Variants in AKAP6 observed in about 807,000 individuals in gnomAD.
The protein encoded by AKAP6 is A-kinase anchor protein 6.
Under a neutral mutation model 188.5 loss-of-function variants are expected in AKAP6, and 58 were observed. That is an observed-to-expected ratio of 0.31 (90% CI 0.25 to 0.38). AKAP6 has a LOEUF of 0.38. AKAP6 is among the 10% of genes least tolerant of loss of function. The probability of loss-of-function intolerance (pLI) is 1.00; values close to 1 mark genes in which losing one functional copy is unlikely to be tolerated. For synonymous variants in AKAP6, 989 were observed against 998.6 expected (o/e 0.99, Z 0.18); for missense variants, 2,710 against 2,740.0 (o/e 0.99, Z 0.24).
chr14:32,461,095 G>A (rs573646043), intron 2 of AKAP6, among the ~76,000 whole-genome samples: 2 of 152,308 alleles, frequency 1.3e-5, no homozygotes, highest in Admixed American at 1.3e-4. Flanking sequence ...CCATGTCCCT[G>A]GGACAGAGCA....
chr14:32,712,664 C>A lies in AKAP6; in HGVS notation c.3000+16554C>A, dbSNP rs183927752. Among the ~76,000 whole-genome samples, 139 of 152,232 alleles carry A rather than the reference C, an allele frequency of 9.1e-4. 2 individuals carry two copies. Among genetic ancestry groups the A allele is most frequent in the South Asian group, 7.0e-3 (34 of 4,828 alleles). The stretch of plus-strand genomic sequence containing the variant: ...GAAACTACTATCTTTGCTTATTCTT[C>A]AGAAGGAACACATCATTTGTTCAAG... On this transcript the variant is annotated intron_variant, in intron 9 of 13. Coordinates refer to ENST00000280979, the MANE Select transcript of AKAP6 (RefSeq NM_004274.5).
chr14:32,699,408 A>G (rs1312318633), intron 9 of AKAP6, among the ~76,000 whole-genome samples: 1 of 152,226 alleles, frequency 6.6e-6, no homozygotes, highest in African/African-American at 2.4e-5. Context: ...ACAACTTAAC[A>G]TCATTCAGAA....
chr14:32,625,820 T>A (rs1206273561), intron 7 of AKAP6, among the ~76,000 whole-genome samples: 1 of 152,112 alleles, frequency 6.6e-6, no homozygotes, highest in East Asian at 1.9e-4. Context: ...AGATATGAGT[T>A]AAGCACCCTT....
intron 3 of AKAP6, among the ~76,000 whole-genome samples, chr14:32,536,021 C>G (rs551446816): frequency 2.0e-4 from 31 of 152,308 alleles, no homozygotes; most frequent in Admixed American, 1.9e-3. Flanking sequence ...TGCACATATG[C>G]CATTCATTGT....
At chr14:32,430,746 C>G (rs978010782) in intron 1 of AKAP6, among the ~76,000 whole-genome samples, 3 of 152,128 alleles carry the variant, frequency 2.0e-5, no homozygotes, top group African/African-American at 7.2e-5. Context: ...CAGATTCCTT[C>G]TATAGCATTG....
Position 32,546,149 on chromosome 14 carries a change from A to T in AKAP6, c.1496A>T (p.His499Leu), listed in dbSNP as rs1230602892. The change falls in exon 4 of 14, where the codon CAC becomes CTC. Residue 499 changes from histidine to leucine, a missense_variant. His to Leu is a moderately conservative substitution (Grantham distance 99). Coordinates refer to ENST00000280979, the MANE Select transcript of AKAP6 (RefSeq NM_004274.5). ...YKEKSRLKKPHKTSEEVPPCR... is the reference protein window; with the variant it reads ...YKEKSRLKKPLKTSEEVPPCR... ...GAGAAATCTCGACTTAAAAAGCCAC[A>T]CAAGACCTCAGAAGAGGTGCCTCCA... 6.8e-6 allele frequency: 11 copies of T among 1,613,864 alleles called. No individual in the cohort carries two copies. Among genetic ancestry groups the T allele is most frequent in the Non-Finnish European group, 9.3e-6 (11 of 1,179,998 alleles).
chr14:32,483,794 T>C (rs949700147), intron 2 of AKAP6, among the ~76,000 whole-genome samples: 4 of 152,070 alleles, frequency 2.6e-5, no homozygotes, highest in Non-Finnish European at 5.9e-5. Flanking sequence ...GATTTATTTA[T>C]TGTACTTTAA....
intron 2 of AKAP6, among the ~76,000 whole-genome samples, chr14:32,449,162 T>C (rs189161519): frequency 9.2e-5 from 14 of 152,254 alleles, no homozygotes; most frequent in Admixed American, 2.0e-4. Flanking sequence ...AAGTTAGGCA[T>C]TAAAAATTAA....
intron 5 of AKAP6, among the ~76,000 whole-genome samples, chr14:32,585,223 C>G (rs962434940): frequency 1.1e-4 from 17 of 152,134 alleles, no homozygotes; most frequent in African/African-American, 3.9e-4. Flanking sequence ...AGGAGACAAA[C>G]CAGCGCTTCT....
chr14:32,590,155 A>C (rs559384022), intron 5 of AKAP6, among the ~76,000 whole-genome samples: 3 of 152,114 alleles, frequency 2.0e-5, no homozygotes, highest in Non-Finnish European at 4.4e-5. Context: ...ATTTGGGGGA[A>C]TCTTCCTTAG....
intron 1 of AKAP6, among the ~76,000 whole-genome samples, chr14:32,407,409 G>A (rs1233498382): frequency 6.6e-6 from 1 of 152,144 alleles, no homozygotes; most frequent in Admixed American, 6.5e-5. Context: ...GGCTATGTGT[G>A]AGGAGATCCC....
At chr14:32,581,878 C>T (rs1247555143) in intron 5 of AKAP6, among the ~76,000 whole-genome samples, 10 of 152,122 alleles carry the variant, frequency 6.6e-5, no homozygotes, top group Admixed American at 5.2e-4. Flanking sequence ...TATTTTGAGC[C>T]TATGTGTGTC....
At chr14:32,533,266 T>C (rs112787438) in intron 2 of AKAP6, among the ~76,000 whole-genome samples, 3,699 of 152,234 alleles carry the variant, frequency 0.024, 166 homozygotes, top group African/African-American at 0.084. Context: ...GTAACAGCAA[T>C]GAGGGAGGAA....
In AKAP6 at chr14:32,773,850, T is replaced by A. The variant is rs1408460541; in HGVS notation, c.3545T>A (p.Val1182Asp). Residue 1182 changes from valine (V) to aspartate (D), a missense_variant, in exon 12 of 14, where the codon GTC (valine) becomes GAC (aspartate). Val to Asp is a radical substitution (Grantham distance 152). Transcript: ENST00000280979. ...TGGGAAGCCATTGTCATGCAAGCCG[T>A]CCAGTGGCAAACACGTCTACAAAAG... The part of the protein sequence containing the change: ...RRWEAIVMQA[V>D]QWQTRLQKKM... 1.9e-6 allele frequency: 3 copies of A among 1,614,096 alleles called. No homozygotes were observed. The highest frequency in any genetic ancestry group is 2.5e-6 in the Non-Finnish European group (3 of 1,179,990).
chr14:32,397,149 A>G (rs192529896), intron 1 of AKAP6, among the ~76,000 whole-genome samples: 144 of 152,276 alleles, frequency 9.5e-4, no homozygotes, highest in Non-Finnish European at 1.1e-3. Context: ...AAAAAGTTCC[A>G]CAATGGTGCT....
chr14:32,376,291 G>A (rs73256802), intron 1 of AKAP6, among the ~76,000 whole-genome samples: 2,790 of 152,220 alleles, frequency 0.018, 93 homozygotes, highest in African/African-American at 0.065. Flanking sequence ...ACACTTCAAC[G>A]AAAATTAGTT....
intron 1 of AKAP6, among the ~76,000 whole-genome samples, chr14:32,410,609 G>A (rs530027156): frequency 6.6e-6 from 1 of 152,188 alleles, no homozygotes; most frequent in East Asian, 1.9e-4. Flanking sequence ...ATTTTATAGA[G>A]TTTGACTCTT....
chr14:32,348,407 T>C (rs1225376386), intron 1 of AKAP6, among the ~76,000 whole-genome samples: 2 of 103,926 alleles, frequency 1.9e-5, no homozygotes, highest in Admixed American at 2.3e-4. Context: ...TTCTTTCTTT[T>C]CTTTTGTTTC....
chr14:32,387,362 CTT>C (rs2138572324), intron 1 of AKAP6, among the ~76,000 whole-genome samples: 1 of 151,938 alleles, frequency 6.6e-6, no homozygotes, highest in Non-Finnish European at 1.5e-5. Context: ...GCATTCTTGT[CTT>C]GTTCCAGTTC....
Sources: allele counts gnomAD v4.1 joint callset (sites outside exome capture counted in the v4.1 genomes callset), GRCh38; gene constraint gnomAD v4.1.1; transcripts MANE v1.5; gene names NCBI Gene and HGNC (gene_info 2026-07-23, HGNC 2026-07-21).